The following CENPK variants were observed in gnomAD, a reference collection of about 807,000 sequenced individuals.
CENPK encodes the protein centromere protein K.
CENPK carries 46 observed loss-of-function variants against 40.9 expected under a neutral mutation model. The ratio of observed to expected loss-of-function variants is 1.13; its 90% CI spans 0.89 to 1.44. CENPK has a LOEUF of 1.44. Among genes scored for constraint, CENPK ranks in the 40% most tolerant of loss-of-function variants. The pLI, the probability that CENPK is intolerant of heterozygous loss-of-function variation, is 0.00. For missense variants in CENPK, 288 were observed against 303.5 expected, an observed-to-expected ratio of 0.95 and a Z score of 0.38; for synonymous variants, 107 against 104.4, an observed-to-expected ratio of 1.02 and a Z score of -0.15.
chr5:65,513,385 G>A (rs1431713053), downstream of CENPK, among the ~76,000 whole-genome samples: 1 of 152,062 alleles, frequency 6.6e-6, no homozygotes, highest in African/African-American at 2.4e-5. Context: ...CGTAAAGTTA[G>A]GAAGACGTAA....
intron 2 of CENPK, among the ~76,000 whole-genome samples, chr5:65,555,967 A>G (rs1293683384): frequency 6.6e-6 from 1 of 152,212 alleles, no homozygotes. Context: ...CATCACACAG[A>G]TAAGACTTAC....
intron 9 of CENPK, among the ~76,000 whole-genome samples, chr5:65,527,498 CATATATATATATAT>C (rs70983674): frequency 0.036 from 3,231 of 90,474 alleles, 64 homozygotes; most frequent in East Asian, 0.071. Flanking sequence ...TTATTAACAC[CATATATATATATAT>C]ATATATATAT....
chr5:65,513,004 T>C (rs994412426), downstream of CENPK, among the ~76,000 whole-genome samples: 1 of 152,220 alleles, frequency 6.6e-6, no homozygotes, highest in African/African-American at 2.4e-5. Flanking sequence ...CTCAGATCTT[T>C]TACCTACTTT....
chr5:65,524,995 T>C (rs1231985486), intron 9 of CENPK, among the ~76,000 whole-genome samples: 2 of 152,222 alleles, frequency 1.3e-5, no homozygotes, highest in Non-Finnish European at 2.9e-5. Context: ...ACTAAAATCA[T>C]TTGATGCAAA....
At chr5:65,510,584 G>C in the CENPK span, among the ~76,000 whole-genome samples, 49 of 152,242 alleles carry the variant, frequency 3.2e-4, no homozygotes, top group Admixed American at 9.2e-4. Context: ...AGACCAGCCT[G>C]GCTAACATGG....
chr5:65,500,980 T>A, the CENPK span, among the ~76,000 whole-genome samples: 1 of 148,794 alleles, frequency 6.7e-6, no homozygotes, highest in Non-Finnish European at 1.5e-5. Context: ...ATATCTATTG[T>A]TCTAGCTGCA....
At position 65,551,644 on chromosome 5, in the gene CENPK, A is replaced by T; in HGVS notation, c.169-8T>A. On this transcript the variant is annotated splice_polypyrimidine_tract_variant and splice_region_variant and intron_variant, in intron 4 of 10. Coordinates refer to ENST00000396679, the MANE Select transcript of CENPK (RefSeq NM_022145.5). ...CATAATTAACAATGATAGCTACAAA[A>T]GAAGAAAACAAAGTCATTTTCTGTG... 1 of 1,510,510 alleles carries T rather than the reference A, an allele frequency of 6.6e-7. No homozygotes were observed. The highest frequency in any genetic ancestry group is 9.1e-7 in the Non-Finnish European group (1 of 1,102,214). The allele number at this position is 1,510,510 out of a possible 1,614,324, so 93.6% of individuals were successfully genotyped here. A position where few individuals can be genotyped will look rare whatever the true frequency, so the allele number is the denominator to read the frequency against.
At chr5:65,551,669 G>A in intron 4 of CENPK, 33 bp from the exon 5 acceptor site, 2 of 1,227,706 alleles carry the variant, frequency 1.6e-6, no homozygotes, top group Non-Finnish European at 2.3e-6. Context: ...CATTTTCTGT[G>A]GACTATTCAT....
At chr5:65,560,377 G>A (rs12522326) in intron 2 of CENPK, among the ~76,000 whole-genome samples, 5,421 of 152,160 alleles carry the variant, frequency 0.036, 165 homozygotes, top group Admixed American at 0.049. Context: ...AGGAAGAGTG[G>A]AAGGGGGAAA....
intron 6 of CENPK, among the ~76,000 whole-genome samples, chr5:65,537,592 G>A (rs935952167): frequency 1.3e-5 from 2 of 152,156 alleles, no homozygotes; most frequent in African/African-American, 2.4e-5. Flanking sequence ...GAGCCACCAC[G>A]CCCGGCCGGT....
At chr5:65,508,331 A>G in the CENPK span, among the ~76,000 whole-genome samples, 1 of 152,230 alleles carries the variant, frequency 6.6e-6, no homozygotes, top group African/African-American at 2.4e-5. Context: ...TAATACTTCT[A>G]TAAGGAAGAT....
intron 4 of CENPK, 115 bp downstream of exon 4, chr5:65,552,378 T>C: frequency 1.7e-6 from 1 of 583,970 alleles, no homozygotes; most frequent in Non-Finnish European, 3.0e-6. Context: ...TGATTAAGCA[T>C]ACAGGTATTA....
chr5:65,551,365 A>G (rs1750010340), intron 5 of CENPK, 199 bp downstream of exon 5: 2 of 500,506 alleles, frequency 4.0e-6, no homozygotes, highest in African/African-American at 4.0e-5. Flanking sequence ...GCTTATTATA[A>G]TCTAATGTAA....
chr5:65,563,019 G>A lies in CENPK; in HGVS notation c.-142+79C>T, dbSNP rs1345151830. On this transcript the variant is annotated intron_variant, in intron 1 of 10. Coordinates refer to ENST00000396679, the MANE Select transcript of CENPK (RefSeq NM_022145.5). ...TGGGAAGTCAGGTATCTAGTTGGCC[G>A]GCGATAAGGGTTTCACCTTCAGGAC... The A allele has an allele frequency of 1.8e-5, 4 of 224,554 alleles. No individual in the cohort carries two copies. The East Asian group carries it at 3.0e-4, about 17-fold the overall frequency. The allele number at this position is 224,554 out of a possible 1,614,324, so 13.9% of individuals were successfully genotyped here.
intron 6 of CENPK, among the ~76,000 whole-genome samples, chr5:65,532,198 T>C (rs1745962758): frequency 6.6e-6 from 1 of 152,176 alleles, no homozygotes; most frequent in Admixed American, 6.5e-5. Context: ...ATAAGAAATA[T>C]GACTGGCTCC....
At chr5:65,550,535 A>G (rs1385131306) in intron 5 of CENPK, 1 of 152,204 alleles carries the variant, frequency 6.6e-6, no homozygotes, top group African/African-American at 2.4e-5. Flanking sequence ...GGTTCCTCAA[A>G]ACAATTAAAA....
intron 10 of CENPK, among the ~76,000 whole-genome samples, chr5:65,520,381 T>G (rs921330850): frequency 1.3e-5 from 2 of 152,160 alleles, no homozygotes; most frequent in Non-Finnish European, 2.9e-5. Flanking sequence ...CCTTATAAAT[T>G]ATACAGTCTT....
At chr5:65,497,775 T>TA in the CENPK span, among the ~76,000 whole-genome samples, 1 of 152,124 alleles carries the variant, frequency 6.6e-6, no homozygotes, top group Non-Finnish European at 1.5e-5. Flanking sequence ...GAGGGTGAGG[T>TA]GGGAGGCTCA....
chr5:65,516,280 C>T (rs948208530), downstream of CENPK, among the ~76,000 whole-genome samples: 10 of 152,176 alleles, frequency 6.6e-5, no homozygotes, highest in African/African-American at 2.4e-4. Flanking sequence ...AGACAACTCA[C>T]ATTTAAACTG....
Sources: allele counts gnomAD v4.1 joint callset (sites outside exome capture counted in the v4.1 genomes callset), GRCh38; gene constraint gnomAD v4.1.1; transcripts MANE v1.5; gene names NCBI Gene and HGNC (gene_info 2026-07-23, HGNC 2026-07-21).